The following FGD6 variants were observed in gnomAD, a reference collection of about 807,000 sequenced individuals.
FGD6 encodes the protein FYVE, RhoGEF and PH domain-containing protein 6.
Under a neutral mutation model 149.4 loss-of-function variants are expected in FGD6, and 90 were observed. That is an observed-to-expected ratio of 0.60 (90% CI 0.51 to 0.72). The LOEUF is 0.72. Ranked by LOEUF, FGD6 falls within the 30% of genes least tolerant of loss-of-function variation. The probability of loss-of-function intolerance (pLI) is 0.00; values close to 1 mark genes in which losing one functional copy is unlikely to be tolerated. For synonymous variants in FGD6, 527 were observed against 584.0 expected (o/e 0.90, Z 1.41); for missense variants, 1,437 against 1,684.8 (o/e 0.85, Z 2.57).
At chr12:95,172,313 T>C (rs746406450) in intron 3 of FGD6, among the ~76,000 whole-genome samples, 5 of 152,158 alleles carry the variant, frequency 3.3e-5, no homozygotes, top group South Asian at 2.1e-4. Flanking sequence ...GAGGTAAAGG[T>C]TGCAGTGAGC....
At chr12:95,086,697 G>A (rs1402016876) in intron 18 of FGD6, among the ~76,000 whole-genome samples, 1 of 148,832 alleles carries the variant, frequency 6.7e-6, no homozygotes, top group Non-Finnish European at 1.5e-5. Context: ...CTGCCACCAC[G>A]TCCGGCTATT....
chr12:95,137,527 A>G lies in FGD6; in HGVS notation c.2989T>C (p.Phe997Leu). 6.3e-7 allele frequency: 1 copy of G among 1,574,952 alleles called. No homozygotes were observed. Among genetic ancestry groups the G allele is most frequent in the Non-Finnish European group, 8.6e-7 (1 of 1,161,744 alleles). The change falls in exon 7 of 21, where the codon TTT becomes CTT. Residue 997 changes from phenylalanine to leucine, a missense_variant. Transcript: ENST00000343958. Reference sequence around the variant, plus strand: ...CATTAGATAGTAGCAAATACCTCAAATTCTCTAACAACAGCAGCAAAACCT... The same window carrying G: ...CATTAGATAGTAGCAAATACCTCAAGTTCTCTAACAACAGCAGCAAAACCT... ...NPGFAAVVRE[F>L]EMSPRCANLA...
intron 1 of FGD6, among the ~76,000 whole-genome samples, chr12:95,215,859 G>A (rs2056754282): frequency 6.6e-6 from 1 of 152,098 alleles, no homozygotes; most frequent in Non-Finnish European, 1.5e-5. Flanking sequence ...AAATACATTT[G>A]ACACCTCCAA....
rs765324635 is a variant in FGD6 at position 95,081,574 on chromosome 12, C to T, written c.4257-18G>A. 5 of 1,592,286 alleles carry T rather than the reference C, an allele frequency of 3.1e-6. No homozygotes were observed. Among genetic ancestry groups the T allele is most frequent in the Admixed American group, 1.7e-5 (1 of 59,002 alleles). On this transcript the variant is annotated intron_variant, in intron 20 of 20. Transcript: ENST00000343958. ...CTATCCACCTATTGATAAGAGAAATCGGTTAGATTTGTAAAACCTAATCAT... is the reference window on the plus strand; with the variant it reads ...CTATCCACCTATTGATAAGAGAAATTGGTTAGATTTGTAAAACCTAATCAT...
chr12:95,111,461 A>G (rs183124842), intron 9 of FGD6, among the ~76,000 whole-genome samples: 2 of 152,324 alleles, frequency 1.3e-5, no homozygotes, highest in South Asian at 2.1e-4. Context: ...TGAAGGCAGA[A>G]GCCCAGGACC....
chr12:95,129,538 GA>G (rs1879457028), intron 8 of FGD6, among the ~76,000 whole-genome samples: 1 of 152,194 alleles, frequency 6.6e-6, no homozygotes, highest in Non-Finnish European at 1.5e-5. Context: ...TGAGAAAGAA[GA>G]AGATAAGTAA....
chr12:95,113,696 A>G lies in FGD6; in HGVS notation c.3088T>C (p.Leu1030=), dbSNP rs777130833. ...CCAGCATCTTCTATGAGATTCTTCA[A>G]ATAATCTAGAAAAGAAGAAAAAAAA... is the stretch of plus-strand genomic sequence containing the variant. The part of the protein sequence containing the change: ...PQYRLLLTDY[L]KNLIEDAGDY... The change falls in exon 9 of 21, where the codon TTG becomes CTG. Residue 1030 remains leucine (L), a synonymous_variant. Coordinates refer to ENST00000343958, the MANE Select transcript of FGD6 (RefSeq NM_018351.4). The G allele has an allele frequency of 1.3e-6, 2 of 1,584,798 alleles. No individual in the cohort carries two copies. The highest frequency in any genetic ancestry group is 1.1e-5 in the South Asian group (1 of 87,720).
At chr12:95,186,142 A>T (rs1257838316) in intron 2 of FGD6, among the ~76,000 whole-genome samples, 1 of 151,268 alleles carries the variant, frequency 6.6e-6, no homozygotes, top group African/African-American at 2.4e-5. Flanking sequence ...TCTCACACAT[A>T]CATAGTATAG....
chr12:95,164,043 C>T (rs1880721750), intron 3 of FGD6, among the ~76,000 whole-genome samples: 1 of 152,170 alleles, frequency 6.6e-6, no homozygotes, highest in Non-Finnish European at 1.5e-5. Flanking sequence ...CATTTCAAAG[C>T]AGTTCCCTGT....
Position 95,114,443 on chromosome 12 carries a change from T to TACACACACAC in FGD6, c.3083-752_3083-743dup, listed in dbSNP as rs60238488. Among the ~76,000 whole-genome samples the TACACACACAC allele has an allele frequency of 4.1e-4, 51 of 125,438 alleles. 2 individuals carry two copies. Among genetic ancestry groups the TACACACACAC allele is most frequent in the African/African-American group, 9.9e-4 (32 of 32,168 alleles). The allele number at this position is 125,438 out of a possible 152,430, so 82.3% of individuals were successfully genotyped here. On this transcript the variant is annotated intron_variant, in intron 8 of 20. Transcript: ENST00000343958. ...CAACATGGGGAAACCCCATCTCTAC[T>TACACACACAC]ACACACACACACACACACACACACA...
At position 95,104,976 on chromosome 12, in the gene FGD6, A is replaced by G. The variant is rs1280608626; in HGVS notation, c.3497+31T>C. On this transcript the variant is annotated intron_variant, in intron 14 of 20. Transcript: ENST00000343958. Reference sequence around the variant, plus strand: ...AGCAAGCAGACTCAGAATGAGAAAAAAAAAAAAAAAAAGAAGAAGAAAAAA... The same window carrying G: ...AGCAAGCAGACTCAGAATGAGAAAAGAAAAAAAAAAAAGAAGAAGAAAAAA... The G allele has an allele frequency of 6.0e-6, 9 of 1,512,202 alleles. No homozygotes were observed. The South Asian group carries it at 1.0e-4, about 17-fold the overall frequency. 93.7% of individuals were successfully genotyped at this position (1,512,202 alleles called of 1,614,324 possible).
At chr12:95,166,302 T>A (rs1025098261) in intron 3 of FGD6, among the ~76,000 whole-genome samples, 1 of 152,256 alleles carries the variant, frequency 6.6e-6, no homozygotes, top group East Asian at 1.9e-4. Flanking sequence ...TATACATTAC[T>A]CTGTACAAAT....
intron 2 of FGD6, among the ~76,000 whole-genome samples, chr12:95,195,280 A>C (rs1171306707): frequency 6.6e-6 from 1 of 152,166 alleles, no homozygotes; most frequent in Non-Finnish European, 1.5e-5. Context: ...AGAATCAGAG[A>C]TCTCTGAAAT....
intron 2 of FGD6, among the ~76,000 whole-genome samples, chr12:95,198,598 C>CG (rs1881787793): frequency 6.6e-6 from 1 of 152,140 alleles, no homozygotes; most frequent in Admixed American, 6.5e-5. Flanking sequence ...CGCCACCACG[C>CG]CCGGCTAATT....
At chr12:95,167,644 G>A (rs931836636) in intron 3 of FGD6, among the ~76,000 whole-genome samples, 3 of 145,006 alleles carry the variant, frequency 2.1e-5, no homozygotes, top group East Asian at 2.0e-4. Flanking sequence ...GTGTGATCTC[G>A]GCTCACTGCA....
At chr12:95,126,832 G>A (rs762651027) in intron 8 of FGD6, among the ~76,000 whole-genome samples, 5 of 152,122 alleles carry the variant, frequency 3.3e-5, no homozygotes, top group Non-Finnish European at 7.4e-5. Flanking sequence ...AGAGGCTTTG[G>A]TGGGAGAATT....
rs151152659 is a variant in FGD6, at chr12:95,128,274, C to T, written c.3082+6465G>A. ...TTTTGAGATGGGGGTCCTGCTGTGT[C>T]GCCCAGGGTGAAGTACAACAGGCAC... is the stretch of plus-strand genomic sequence containing the variant. On this transcript the variant is annotated intron_variant, in intron 8 of 20. Transcript: ENST00000343958. 1.4e-4 allele frequency among the ~76,000 whole-genome samples: 21 copies of T among 152,170 alleles called. 1 individual carries two copies. The highest frequency in any genetic ancestry group is 3.4e-3 in the Middle Eastern group (1 of 294).
chr12:95,142,173 G>A (rs1474325023), intron 5 of FGD6, among the ~76,000 whole-genome samples: 11 of 144,842 alleles, frequency 7.6e-5, no homozygotes, highest in Admixed American at 3.6e-4. Context: ...ATGGAGTCTC[G>A]CACTGTCACC....
chr12:95,082,826 C>T (rs71458577), intron 20 of FGD6, among the ~76,000 whole-genome samples: 1 of 148,944 alleles, frequency 6.7e-6, no homozygotes, highest in African/African-American at 2.5e-5. Flanking sequence ...TTTCTTCTTT[C>T]TTATGGAAAT....
Sources: gnomAD v4.1 joint callset for allele counts (sites outside exome capture counted in the v4.1 genomes callset) on GRCh38, gnomAD v4.1.1 for gene constraint, MANE v1.5 for transcripts, NCBI Gene and HGNC (gene_info 2026-07-23, HGNC 2026-07-21) for gene names.